RPS24: variants seen among roughly 807,000 people sequenced by gnomAD.
RPS24 encodes the protein ribosomal protein S24.
For missense variants in RPS24, 100 were observed against 162.5 expected, an observed-to-expected ratio of 0.62 and a Z score of 2.09; for synonymous variants, 72 against 55.6, an observed-to-expected ratio of 1.30 and a Z score of -1.31.
intron 3 of RPS24, chr10:78,036,133 A>G (rs1456068400): frequency 3.8e-6 from 1 of 260,808 alleles, no homozygotes; most frequent in South Asian, 4.3e-5. Context: ...AGTGAACTAC[A>G]GCAGTGATCT....
chr10:78,042,358 T>G (rs1847995386), downstream of RPS24, among the ~76,000 whole-genome samples: 1 of 152,204 alleles, frequency 6.6e-6, no homozygotes, highest in South Asian at 2.1e-4. Context: ...GGTACCTTGT[T>G]AGGGTTAATT....
At chr10:78,046,382 C>CTT (rs755069274) in intron 4 of RPS24, among the ~76,000 whole-genome samples, 47 of 132,088 alleles carry the variant, frequency 3.6e-4, no homozygotes, top group Non-Finnish European at 5.9e-4. Context: ...GAGTCTCGCT[C>CTT]TGTCACCCAG....
At chr10:78,046,804 G>C (rs1336802362) in intron 4 of RPS24, among the ~76,000 whole-genome samples, 2 of 152,214 alleles carry the variant, frequency 1.3e-5, no homozygotes, top group African/African-American at 4.8e-5. Context: ...ATCTTGCCAA[G>C]GAGCTAGAAA....
chr10:78,042,647 G>A (rs1847998418), downstream of RPS24, among the ~76,000 whole-genome samples: 1 of 152,196 alleles, frequency 6.6e-6, no homozygotes, highest in South Asian at 2.1e-4. Context: ...TATTGAGGGA[G>A]CACATCCCTT....
chr10:78,052,618 C>T (rs1848110169), intron 4 of RPS24, among the ~76,000 whole-genome samples: 1 of 152,138 alleles, frequency 6.6e-6, no homozygotes, highest in African/African-American at 2.4e-5. Flanking sequence ...TCCCTTTGGA[C>T]CCCTTCTAGG....
At chr10:78,040,033 T>TG (rs1203697782) in intron 4 of RPS24, 171 bp from the exon 5 acceptor site, 1 of 703,720 alleles carries the variant, frequency 1.4e-6, no homozygotes, top group Admixed American at 2.0e-5. Context: ...ATAAAATCAG[T>TG]GAGTCTGGAA....
chr10:78,039,962 G>A (rs992074498), intron 4 of RPS24: 7 of 587,750 alleles, frequency 1.2e-5, no homozygotes, highest in Admixed American at 2.5e-5. Context: ...TGTGAAGTCC[G>A]GCTACCTCGT....
chr10:78,037,731 C>T (rs930157445), intron 4 of RPS24: 5 of 343,010 alleles, frequency 1.5e-5, no homozygotes, highest in Non-Finnish European at 2.8e-5. Flanking sequence ...ACTGGAAAGG[C>T]AACTGAGATC....
intron 4 of RPS24, chr10:78,054,520 C>T (rs552898483): frequency 9.3e-5 from 142 of 1,524,756 alleles, no homozygotes; most frequent in African/African-American, 3.9e-4. Flanking sequence ...CTCTCCTTCC[C>T]GCTTTTGCAG....
At chr10:78,035,834 A>G in intron 3 of RPS24, 114 bp downstream of exon 3, 1 of 873,268 alleles carries the variant, frequency 1.1e-6, no homozygotes, top group Non-Finnish European at 1.9e-6. Flanking sequence ...CAACTCTGAA[A>G]GGATTAAGAG....
chr10:78,053,234 C>G (rs1191777698), intron 4 of RPS24, among the ~76,000 whole-genome samples: 1 of 151,020 alleles, frequency 6.6e-6, no homozygotes, highest in Non-Finnish European at 1.5e-5. Context: ...ATGGAAGGGG[C>G]CTGCCCCCTG....
chr10:78,044,729 GAA>G (rs1443679943), downstream of RPS24, among the ~76,000 whole-genome samples: 2 of 150,618 alleles, frequency 1.3e-5, no homozygotes, highest in East Asian at 3.9e-4. Context: ...GTCCTGGTAA[GAA>G]ACGAAGCTGG....
At chr10:78,035,067 A>G (rs1276907007) in intron 1 of RPS24, among the ~76,000 whole-genome samples, 2 of 152,226 alleles carry the variant, frequency 1.3e-5, no homozygotes, top group Non-Finnish European at 2.9e-5. Flanking sequence ...CCATATGGAA[A>G]TATCAGTAGT....
chr10:78,033,975 C>G (rs1010967725), intron 1 of RPS24, 71 bp downstream of exon 1: 1 of 1,588,606 alleles, frequency 6.3e-7, no homozygotes, highest in Admixed American at 1.7e-5. Context: ...GGTCCCAGTA[C>G]TTGAGCTATA....
downstream of RPS24, among the ~76,000 whole-genome samples, chr10:78,043,721 T>C (rs1376905428): frequency 6.6e-6 from 1 of 152,044 alleles, no homozygotes; most frequent in Non-Finnish European, 1.5e-5. Flanking sequence ...AGTGTATGAC[T>C]GTGACGTGAT....
chr10:78,046,212 A>G (rs1459046117), intron 4 of RPS24, among the ~76,000 whole-genome samples: 1 of 152,144 alleles, frequency 6.6e-6, no homozygotes, highest in South Asian at 2.1e-4. Context: ...TAATGGGAAT[A>G]CTGTCTCTGC....
intron 1 of RPS24, among the ~76,000 whole-genome samples, chr10:78,034,643 T>A (rs1847821187): frequency 1.3e-5 from 2 of 152,252 alleles, no homozygotes; most frequent in African/African-American, 4.8e-5. Flanking sequence ...TTGGTAAAAT[T>A]GTTAGCATAA....
intron 4 of RPS24, 137 bp downstream of exon 4, chr10:78,037,441 GGT>G: frequency 7.2e-7 from 1 of 1,390,716 alleles, no homozygotes; most frequent in Non-Finnish European, 9.6e-7. Flanking sequence ...GATTACAGAA[GGT>G]AACATGTTTT....
Position 78,035,635 on chromosome 10 carries a change from G to A in RPS24, c.194G>A (p.Gly65Asp). Residue 65 changes from glycine (G) to aspartate (D), a missense_variant, in exon 3 of 6, where the codon GGT becomes GAT. By Grantham distance (94) the Gly-to-Asp change is moderately conservative (BLOSUM62 -1). Transcript: ENST00000372360. ...IFVFGFRTHF[G>D]GGKTTGFGMI... ...GTATTTGGATTCAGAACTCATTTTG[G>A]TGGTGGCAAGACAACTGGCTTTGGC... The A allele has an allele frequency of 6.2e-7, 1 of 1,610,338 alleles. No homozygotes were observed. The highest frequency in any genetic ancestry group is 8.5e-7 in the Non-Finnish European group (1 of 1,179,964).
Sources: gnomAD v4.1 joint callset for allele counts (sites outside exome capture counted in the v4.1 genomes callset) on GRCh38, gnomAD v4.1.1 for gene constraint, MANE v1.5 for transcripts, NCBI Gene and HGNC (gene_info 2026-07-23, HGNC 2026-07-21) for gene names.